GALNT15: variants seen among roughly 807,000 people sequenced by gnomAD.
GALNT15 encodes the protein UDP-GalNAc transferase T15.
GALNT15 carries 67 observed loss-of-function variants against 66.8 expected under a neutral mutation model. That is an observed-to-expected ratio of 1.00 (90% CI 0.82 to 1.23). The LOEUF (loss-of-function observed/expected upper bound fraction) is 1.23, where lower values mean the gene tolerates loss of function less well. Among genes scored for constraint, GALNT15 ranks in the 50% most tolerant of loss-of-function variants. GALNT15 has a pLI of 0.00. For synonymous variants in GALNT15, 313 were observed against 311.5 expected, an observed-to-expected ratio of 1.00 and a Z score of -0.05; for missense variants, 827 against 804.3, an observed-to-expected ratio of 1.03 and a Z score of -0.34.
chr3:16,203,430 C>T lies in GALNT15; in HGVS notation c.911+2607C>T, dbSNP rs986698821. Among the ~76,000 whole-genome samples, 1 of 151,290 alleles carries T rather than the reference C, an allele frequency of 6.6e-6. No individual in the cohort carries two copies. Among genetic ancestry groups the T allele is most frequent in the Non-Finnish European group, 1.5e-5 (1 of 67,834 alleles). ...TTAAGAGACATTCTAGTTTCCTGTGCCCTTCCCCTCTCCTCTTTTCCTCTC... is the reference window on the plus strand; with the variant it reads ...TTAAGAGACATTCTAGTTTCCTGTGTCCTTCCCCTCTCCTCTTTTCCTCTC... On this transcript the variant is annotated intron_variant, in intron 3 of 9. Transcript: ENST00000339732. This position sits in a 1 kb window ranked among gnomAD's most constrained non-coding sequence, Gnocchi z 6.2.
downstream of GALNT15, chr3:16,231,963 C>G: frequency 6.7e-7 from 1 of 1,493,540 alleles, no homozygotes; most frequent in Non-Finnish European, 8.9e-7. The surrounding 1 kb of genome is among the most constrained non-coding windows in gnomAD (Gnocchi z 4.1). Context: ...TGTTTAATGT[C>G]TTATTTAAAT....
In GALNT15 at chr3:16,193,038, A is replaced by G. The variant is rs545900407; in HGVS notation, c.540-2722A>G. On this transcript the variant is annotated intron_variant, in intron 1 of 9. Transcript: ENST00000339732. The surrounding 1 kb of genome is among the most constrained non-coding windows in gnomAD (Gnocchi z 4.7). The stretch of plus-strand genomic sequence containing the variant: ...GTGGATGATTACGTGAGATATTTTC[A>G]TGATGGGGAGCTAGGTAAAGGGAAC... 1.3e-5 allele frequency among the ~76,000 whole-genome samples: 2 copies of G among 152,312 alleles called. No homozygotes were observed. Among genetic ancestry groups the G allele is most frequent in the East Asian group, 1.9e-4 (1 of 5,190 alleles).
At chr3:16,198,773 A>G (rs1410766744) in intron 2 of GALNT15, among the ~76,000 whole-genome samples, 1 of 141,904 alleles carries the variant, frequency 7.0e-6, no homozygotes, top group African/African-American at 2.6e-5. Flanking sequence ...TTCACCCTGC[A>G]GAAAATCCAT....
At position 16,203,543 on chromosome 3, in the gene GALNT15, TCACACACACACACA is replaced by T. The variant is rs1164976010; in HGVS notation, c.911+2753_911+2766del. On this transcript the variant is annotated intron_variant, in intron 3 of 9. Transcript: ENST00000339732. The surrounding 1 kb of genome is among the most constrained non-coding windows in gnomAD (Gnocchi z 6.2). ...CATTCTCTCTCTCTCTCTCTCTCTCTCACACACACACACACACACACACACACACACACACACAC... is the reference window on the plus strand; with the variant it reads ...CATTCTCTCTCTCTCTCTCTCTCTCTCACACACACACACACACACACACAC... 6.2e-3 allele frequency among the ~76,000 whole-genome samples: 377 copies of T among 61,134 alleles called. 1 individual carries two copies. Among genetic ancestry groups the T allele is most frequent in the African/African-American group, 0.019 (341 of 18,288 alleles). 40.1% of individuals were successfully genotyped at this position (61,134 alleles called of 152,430 possible). A position where few individuals can be genotyped will look rare whatever the true frequency, so the allele number is the denominator to read the frequency against.
At chr3:16,201,114 G>A (rs1406071826) in intron 3 of GALNT15, among the ~76,000 whole-genome samples, 3 of 152,076 alleles carry the variant, frequency 2.0e-5, no homozygotes, top group Middle Eastern at 3.2e-3. Flanking sequence ...CATGACGAGG[G>A]TAACACCTTA....
rs1417130108 is a variant in GALNT15 at position 16,200,467 on chromosome 3, C to T, written c.707-152C>T. 2.0e-6 allele frequency: 1 copy of T among 490,674 alleles called. No individual in the cohort carries two copies. Among genetic ancestry groups the T allele is most frequent in the Non-Finnish European group, 3.4e-6 (1 of 290,706 alleles). The allele number at this position is 490,674 out of a possible 1,614,324, so 30.4% of individuals were successfully genotyped here. ...CAACCTAACCAAGCATCTTACATCT[C>T]AGCAACAACCACACTGTAGTAATGT... is the stretch of plus-strand genomic sequence containing the variant. On this transcript the variant is annotated intron_variant, in intron 2 of 9. Coordinates refer to ENST00000339732, the MANE Select transcript of GALNT15 (RefSeq NM_054110.5). The surrounding 1 kb of genome is among the most constrained non-coding windows in gnomAD (Gnocchi z 4.4).
the GALNT15 span, among the ~76,000 whole-genome samples, chr3:16,241,716 T>C: frequency 1.1e-4 from 16 of 152,192 alleles, no homozygotes; most frequent in East Asian, 3.1e-3. The surrounding 1 kb of genome is among the most constrained non-coding windows in gnomAD (Gnocchi z 4.6). Flanking sequence ...GCCTAGCTAA[T>C]GTTTGTATTT....
chr3:16,209,493 G>T lies in GALNT15; in HGVS notation c.1079+823G>T, dbSNP rs1265425249. Among the ~76,000 whole-genome samples, 2 of 152,232 alleles carry T rather than the reference G, an allele frequency of 1.3e-5. No individual in the cohort carries two copies. The highest frequency in any genetic ancestry group is 3.9e-4 in the East Asian group (2 of 5,184). On this transcript the variant is annotated intron_variant, in intron 4 of 9. Coordinates refer to ENST00000339732, the MANE Select transcript of GALNT15 (RefSeq NM_054110.5). The surrounding 1 kb of genome is among the most constrained non-coding windows in gnomAD (Gnocchi z 4.1). ...TATTCACAATTGCAAAATCCAAAAAGCTCTAAAAACCAAACATTTGTTTAA... is the reference window on the plus strand; with the variant it reads ...TATTCACAATTGCAAAATCCAAAAATCTCTAAAAACCAAACATTTGTTTAA...
rs1298354629 is a variant in GALNT15, at chr3:16,228,755, GC to G, written c.*1257del. Reference sequence around the variant, plus strand: ...CAAACCTTTTTCCTGGGAGGAAAATGCCAGAGCCTGAGCCAAAATTCTTATG... The same window carrying G: ...CAAACCTTTTTCCTGGGAGGAAAATGCAGAGCCTGAGCCAAAATTCTTATG... On this transcript the variant is annotated 3_prime_UTR_variant, in exon 10 of 10. Transcript: ENST00000339732. The G allele has an allele frequency of 1.0e-6, 1 of 985,322 alleles. No homozygotes were observed. The highest frequency in any genetic ancestry group is 1.2e-6 in the Non-Finnish European group (1 of 829,998). 61.0% of individuals were successfully genotyped at this position (985,322 alleles called of 1,614,324 possible).
rs2063808214 is a variant in GALNT15 at position 16,211,065 on chromosome 3, C to A, written c.1080-59C>A. On this transcript the variant is annotated intron_variant, in intron 4 of 9. Coordinates refer to ENST00000339732, the MANE Select transcript of GALNT15 (RefSeq NM_054110.5). This position sits in a 1 kb window ranked among gnomAD's most constrained non-coding sequence, Gnocchi z 4.3. ...CCACCTGGGAAGCCCCAGCCCCCAGCCTCGCCTGCTGTGCTCTGGGTTCTG... is the reference window on the plus strand; with the variant it reads ...CCACCTGGGAAGCCCCAGCCCCCAGACTCGCCTGCTGTGCTCTGGGTTCTG... 1 of 1,297,764 alleles carries A rather than the reference C, an allele frequency of 7.7e-7. No homozygotes were observed. The highest frequency in any genetic ancestry group is 1.1e-6 in the Non-Finnish European group (1 of 895,472). The allele number at this position is 1,297,764 out of a possible 1,614,324, so 80.4% of individuals were successfully genotyped here. A position where few individuals can be genotyped will look rare whatever the true frequency, so the allele number is the denominator to read the frequency against.
rs1263255551 is a variant in GALNT15 at position 16,222,655 on chromosome 3, G to A, written c.1670G>A (p.Ser557Asn). Reference protein sequence around the residue: ...HTSRKEIHFGSPQHLCFAVRQ... With the variant: ...HTSRKEIHFGNPQHLCFAVRQ... Reference sequence around the variant, plus strand: ...AGCAGGAAGGAGATTCACTTTGGCAGCCCACAGCACCTGTGCTTTGCTGTC... The same window carrying A: ...AGCAGGAAGGAGATTCACTTTGGCAACCCACAGCACCTGTGCTTTGCTGTC... The change falls in exon 9 of 10, where the codon AGC (serine) becomes AAC (asparagine). Residue 557 changes from serine (S) to asparagine (N), a missense_variant. Transcript: ENST00000339732. The A allele has an allele frequency of 6.2e-7, 1 of 1,614,104 alleles. No homozygotes were observed. The highest frequency in any genetic ancestry group is 1.3e-5 in the African/African-American group (1 of 74,944).
rs538814300 is a variant in GALNT15, at chr3:16,179,702, T to C, written c.539+4012T>C. On this transcript the variant is annotated intron_variant, in intron 1 of 9. Transcript: ENST00000339732. Reference sequence around the variant, plus strand: ...TATCATTAGGGGAAATGTAAATCCATGCAAACTAACCAATCCATTCTTTAC... The same window carrying C: ...TATCATTAGGGGAAATGTAAATCCACGCAAACTAACCAATCCATTCTTTAC... Among the ~76,000 whole-genome samples, 386 of 152,278 alleles carry C rather than the reference T, an allele frequency of 2.5e-3. 2 individuals carry two copies. The highest frequency in any genetic ancestry group is 6.8e-3 in the Middle Eastern group (2 of 294).
rs1243036106 is a variant in GALNT15, at chr3:16,204,313, T to TAGAATA, written c.911+3494_911+3499dup. On this transcript the variant is annotated intron_variant, in intron 3 of 9. Coordinates refer to ENST00000339732, the MANE Select transcript of GALNT15 (RefSeq NM_054110.5). This position sits in a 1 kb window ranked among gnomAD's most constrained non-coding sequence, Gnocchi z 4.5. Reference sequence around the variant, plus strand: ...ATTGGTCATAATATACTGATTTTATTAGAATAAGACATCTTAATGCCAACT... The same window carrying TAGAATA: ...ATTGGTCATAATATACTGATTTTATTAGAATAAGAATAAGACATCTTAATGCCAACT... Among the ~76,000 whole-genome samples the TAGAATA allele has an allele frequency of 2.0e-5, 3 of 152,204 alleles. No individual in the cohort carries two copies. Among genetic ancestry groups the TAGAATA allele is most frequent in the Non-Finnish European group, 4.4e-5 (3 of 68,026 alleles).
In GALNT15 at chr3:16,175,409, C is replaced by G; in HGVS notation, c.258C>G (p.Pro86=). 6.2e-7 allele frequency: 1 copy of G among 1,614,216 alleles called. No homozygotes were observed. Among genetic ancestry groups the G allele is most frequent in the South Asian group, 1.1e-5 (1 of 91,090 alleles). The change falls in exon 1 of 10, where the codon CCC becomes CCG. Residue 86 remains proline, a synonymous_variant. Coordinates refer to ENST00000339732, the MANE Select transcript of GALNT15 (RefSeq NM_054110.5). The surrounding 1 kb of genome is among the most constrained non-coding windows in gnomAD (Gnocchi z 5.6). ...EEYSPLEGLP[P]FISLREDQLL... The stretch of plus-strand genomic sequence containing the variant: ...ACAGCCCTCTGGAGGGCCTGCCACC[C>G]TTTATCTCACTGCGGGAGGATCAGC...
chr3:16,187,862 A>C lies in GALNT15; in HGVS notation c.540-7898A>C, dbSNP rs1473787923. Among the ~76,000 whole-genome samples the C allele has an allele frequency of 6.6e-6, 1 of 152,236 alleles. No individual in the cohort carries two copies. The highest frequency in any genetic ancestry group is 1.5e-5 in the Non-Finnish European group (1 of 68,040). ...CCTCATGAAGTGGTGGCTATGATAA[A>C]TATTAATAAGACACCTGCATCACAG... On this transcript the variant is annotated intron_variant, in intron 1 of 9. Transcript: ENST00000339732. This position sits in a 1 kb window ranked among gnomAD's most constrained non-coding sequence, Gnocchi z 5.1.
intron 1 of GALNT15, among the ~76,000 whole-genome samples, chr3:16,190,613 G>A (rs942392361): frequency 2.0e-5 from 3 of 147,376 alleles, no homozygotes; most frequent in African/African-American, 7.6e-5. Flanking sequence ...ACTCCAGCCT[G>A]GGGGACAGAG....
intron 6 of GALNT15, among the ~76,000 whole-genome samples, chr3:16,215,916 A>AAACAAAAAAAACAAAAAAAAAAC (rs1019009823): frequency 7.0e-6 from 1 of 143,454 alleles, no homozygotes; most frequent in African/African-American, 2.6e-5. Flanking sequence ...CAAAAAAAAA[A>AAACAAAAAAAACAAAAAAAAAAC]AAAAAAAAAG....
rs759916490 is a variant in GALNT15, at chr3:16,227,512, A to G, written c.*12A>G. On this transcript the variant is annotated 3_prime_UTR_variant, in exon 10 of 10. Transcript: ENST00000339732. The surrounding 1 kb of genome is among the most constrained non-coding windows in gnomAD (Gnocchi z 4.5). Reference sequence around the variant, plus strand: ...TGGATGAACGATGAATGTCAATGTCAGAAGGAAAAGAGAATTTTGGCCATC... The same window carrying G: ...TGGATGAACGATGAATGTCAATGTCGGAAGGAAAAGAGAATTTTGGCCATC... 16 of 1,614,056 alleles carry G rather than the reference A, an allele frequency of 9.9e-6. No homozygotes were observed. The highest frequency in any genetic ancestry group is 2.2e-5 in the South Asian group (2 of 91,088).
chr3:16,210,670 A>T (rs867924131), intron 4 of GALNT15, among the ~76,000 whole-genome samples: 1 of 152,320 alleles, frequency 6.6e-6, no homozygotes, highest in Middle Eastern at 3.4e-3. Flanking sequence ...TCATCATAGA[A>T]TTGGGAAGAG....
Sources: allele counts gnomAD v4.1 joint callset (sites outside exome capture counted in the v4.1 genomes callset), GRCh38; gene constraint gnomAD v4.1.1; non-coding constraint Gnocchi (gnomAD v3.1); transcripts MANE v1.5; gene names NCBI Gene and HGNC (gene_info 2026-07-23, HGNC 2026-07-21).